Variants in ENAH observed in about 807,000 individuals in gnomAD.
ENAH encodes ENAH actin regulator, also known as protein enabled homolog.
ENAH carries 23 observed loss-of-function variants against 78.7 expected under a neutral mutation model. The ratio of observed to expected loss-of-function variants is 0.29; its 90% confidence interval spans 0.21 to 0.41. The LOEUF is 0.41. Ranked by LOEUF, ENAH falls within the 10% of genes least tolerant of loss-of-function variation. ENAH has a pLI of 1.00. For missense variants in ENAH, 544 were observed against 691.0 expected (o/e 0.79, Z 2.39); for synonymous variants, 226 against 241.0 (o/e 0.94, Z 0.58).
chr1:225,581,333 G>A (rs545986559), intron 1 of ENAH: 15 of 977,712 alleles, frequency 1.5e-5, no homozygotes, highest in African/African-American at 1.4e-4. Context: ...TCCAAGCACC[G>A]TAGAGTTAAA....
At chr1:225,627,110 A>G (rs1011441801) in intron 1 of ENAH, among the ~76,000 whole-genome samples, 6 of 152,240 alleles carry the variant, frequency 3.9e-5, no homozygotes, top group Non-Finnish European at 8.8e-5. Flanking sequence ...TGAGAAAGAC[A>G]GTTTTAATAC....
chr1:225,517,570 G>A, intron 5 of ENAH: 1 of 1,551,362 alleles, frequency 6.4e-7, no homozygotes, highest in Non-Finnish European at 8.7e-7. Flanking sequence ...GACAGGCCTT[G>A]GACCAGTAGC....
chr1:225,592,507 C>T (rs2096881961), intron 1 of ENAH, among the ~76,000 whole-genome samples: 1 of 152,174 alleles, frequency 6.6e-6, no homozygotes, highest in Admixed American at 6.5e-5. Flanking sequence ...ATGTTTAGTA[C>T]ATCTCTATGA....
At chr1:225,605,894 C>A (rs1375470257) in intron 1 of ENAH, among the ~76,000 whole-genome samples, 2 of 152,172 alleles carry the variant, frequency 1.3e-5, no homozygotes, top group African/African-American at 2.4e-5. Context: ...AACACCTTGA[C>A]CTTCTAGCCT....
At chr1:225,588,583 A>G (rs1383184163) in intron 1 of ENAH, among the ~76,000 whole-genome samples, 3 of 152,148 alleles carry the variant, frequency 2.0e-5, no homozygotes, top group Non-Finnish European at 2.9e-5. Flanking sequence ...GCCAAGGTGG[A>G]CGGATCACGA....
At chr1:225,519,667 G>T in intron 4 of ENAH, 102 bp from the exon 5 acceptor site, 1 of 1,477,164 alleles carries the variant, frequency 6.8e-7, no homozygotes, top group Non-Finnish European at 9.0e-7. Context: ...TCAAATAAAA[G>T]CAATGTAGAG....
At chr1:225,591,602 T>C (rs476540) in intron 1 of ENAH, among the ~76,000 whole-genome samples, 90,393 of 150,196 alleles carry the variant, frequency 0.6, 28,727 homozygotes, top group Middle Eastern at 0.73. Flanking sequence ...CTGTCTCTAC[T>C]AAAAATACAA....
intron 2 of ENAH, among the ~76,000 whole-genome samples, chr1:225,564,801 T>C (rs956780374): frequency 6.6e-6 from 1 of 152,038 alleles, no homozygotes; most frequent in Non-Finnish European, 1.5e-5. Flanking sequence ...TTAATTAATA[T>C]CTTTTTAATA....
At chr1:225,535,679 A>G (rs2096558326) in intron 3 of ENAH, 2 of 339,694 alleles carry the variant, frequency 5.9e-6, no homozygotes. Flanking sequence ...CATACGTCCT[A>G]TCTAGATCCT....
chr1:225,521,670 C>T (rs1026602845), intron 4 of ENAH, among the ~76,000 whole-genome samples: 4 of 150,016 alleles, frequency 2.7e-5, no homozygotes, highest in African/African-American at 9.8e-5. Flanking sequence ...GTATCTTTAT[C>T]TTACACATAC....
chr1:225,491,666 G>C lies in ENAH; in HGVS notation c.*6109C>G, dbSNP rs1409975091. 2.0e-5 allele frequency: 3 copies of C among 152,064 alleles called. No homozygotes were observed. Among genetic ancestry groups the C allele is most frequent in the Non-Finnish European group, 4.4e-5 (3 of 67,996 alleles). The allele number at this position is 152,064 out of a possible 1,614,324, so 9.4% of individuals were successfully genotyped here. The stretch of plus-strand genomic sequence containing the variant: ...CTTTTCTCTCAGTTTCTATAGACTT[G>C]GATGGAAACTTTTGGACTTGATGGG... On this transcript the variant is annotated 3_prime_UTR_variant, in exon 14 of 14. Transcript: ENST00000366843.
Position 225,491,403 on chromosome 1 carries a change from A to G in ENAH, c.*6372T>C, listed in dbSNP as rs2150993477. On this transcript the variant is annotated 3_prime_UTR_variant, in exon 14 of 14. Coordinates refer to ENST00000366843, the MANE Select transcript of ENAH (RefSeq NM_018212.6). The stretch of plus-strand genomic sequence containing the variant: ...GGTGATCTGCCCACCTCAGCCTCCC[A>G]AAGTGCTGGGATTACAGGCGTGAGC... 1 of 152,192 alleles carries G rather than the reference A, an allele frequency of 6.6e-6. No homozygotes were observed. Among genetic ancestry groups the G allele is most frequent in the South Asian group, 2.1e-4 (1 of 4,826 alleles). 9.4% of individuals were successfully genotyped at this position (152,192 alleles called of 1,614,324 possible).
At chr1:225,523,757 C>G (rs1405657665) in intron 4 of ENAH, among the ~76,000 whole-genome samples, 1 of 152,138 alleles carries the variant, frequency 6.6e-6, no homozygotes, top group Non-Finnish European at 1.5e-5. Context: ...GTTTTGACCT[C>G]TAAAGCAAGA....
chr1:225,582,757 G>C (rs571561755), intron 1 of ENAH, among the ~76,000 whole-genome samples: 1 of 152,278 alleles, frequency 6.6e-6, no homozygotes, highest in African/African-American at 2.4e-5. Flanking sequence ...CTAAAAGACA[G>C]AATTTGCTGT....
intron 11 of ENAH, among the ~76,000 whole-genome samples, chr1:225,502,477 T>C (rs1013820276): frequency 5.3e-5 from 8 of 152,184 alleles, no homozygotes; most frequent in African/African-American, 7.2e-5. Flanking sequence ...CCCAAATTGC[T>C]GGGTGTAGGT....
At chr1:225,616,230 C>T (rs543026453) in intron 1 of ENAH, among the ~76,000 whole-genome samples, 16 of 151,928 alleles carry the variant, frequency 1.1e-4, no homozygotes, top group African/African-American at 3.9e-4. Context: ...AAACCAGAGA[C>T]CCTGTTCACA....
Position 225,487,370 on chromosome 1 carries a change from C to T in ENAH, c.*10405G>A, listed in dbSNP as rs1312109242. The T allele has an allele frequency of 2.0e-5, 3 of 152,190 alleles. No homozygotes were observed. The highest frequency in any genetic ancestry group is 2.1e-4 in the South Asian group (1 of 4,832). 9.4% of individuals were successfully genotyped at this position (152,190 alleles called of 1,614,324 possible). A position where few individuals can be genotyped will look rare whatever the true frequency, so the allele number is the denominator to read the frequency against. On this transcript the variant is annotated 3_prime_UTR_variant, in exon 14 of 14. Transcript: ENST00000366843. ...TTCTCTTCCACGTTCCCTTCTTAAA[C>T]GTAGATGTCAAGCTTAGAAGATGTT...
At chr1:225,511,011 A>C (rs1025120578) in intron 10 of ENAH, among the ~76,000 whole-genome samples, 9 of 152,074 alleles carry the variant, frequency 5.9e-5, no homozygotes, top group African/African-American at 2.2e-4. Context: ...ACAGAGCAAG[A>C]CCCCATCTCA....
At chr1:225,615,491 T>C (rs2097022404) in intron 1 of ENAH, among the ~76,000 whole-genome samples, 3 of 152,198 alleles carry the variant, frequency 2.0e-5, no homozygotes, top group Admixed American at 6.5e-5. Context: ...GGAGCGTCTC[T>C]GCCTGGCCGC....
Sources: gnomAD v4.1 joint callset for allele counts (sites outside exome capture counted in the v4.1 genomes callset) on GRCh38, gnomAD v4.1.1 for gene constraint, MANE v1.5 for transcripts, NCBI Gene and HGNC (gene_info 2026-07-23, HGNC 2026-07-21) for gene names.